Variants in IL1RAPL1 observed in about 807,000 individuals in gnomAD.
The protein encoded by IL1RAPL1 is interleukin 1 receptor accessory protein like 1, also known as interleukin-1 receptor accessory protein-like 1.
IL1RAPL1 carries 3 observed loss-of-function variants against 48.4 expected under a neutral mutation model. The observed-to-expected ratio is 0.06, with a 90% CI of 0.03 to 0.16. The LOEUF (loss-of-function observed/expected upper bound fraction) is 0.16, where lower values mean the gene tolerates loss of function less well. IL1RAPL1 is among the 10% of genes least tolerant of loss of function. The probability of loss-of-function intolerance (pLI) is 1.00; values close to 1 mark genes in which losing one functional copy is unlikely to be tolerated. For synonymous variants in IL1RAPL1, 185 were observed against 187.7 expected (o/e 0.99, Z 0.12); for missense variants, 349 against 530.6 (o/e 0.66, Z 3.36).
At chrX:28,690,349 T>C (rs1264536151) in intron 1 of IL1RAPL1, among the ~76,000 whole-genome samples, 1 of 112,022 alleles carries the variant, frequency 8.9e-6, no homozygotes, top group Non-Finnish European at 1.9e-5. Flanking sequence ...CTCAGCTCTT[T>C]TAACACATGC....
chrX:28,957,689 C>T (rs987705162), intron 2 of IL1RAPL1, among the ~76,000 whole-genome samples: 23 of 109,708 alleles, frequency 2.1e-4, no homozygotes, highest in African/African-American at 6.3e-4. Flanking sequence ...TGGCCAGGCT[C>T]GGTGGCTCAC....
intron 5 of IL1RAPL1, among the ~76,000 whole-genome samples, chrX:29,595,446 A>G (rs1176535285): frequency 9.0e-6 from 1 of 111,603 alleles, no homozygotes; most frequent in Non-Finnish European, 1.9e-5. Flanking sequence ...CAGGAGTGAG[A>G]TGGTATCACA....
intron 3 of IL1RAPL1, among the ~76,000 whole-genome samples, chrX:29,340,254 C>G (rs917736410): frequency 9.0e-6 from 1 of 111,387 alleles, no homozygotes; most frequent in African/African-American, 3.3e-5. Flanking sequence ...CGCTGGGCAA[C>G]TACCATCTCT....
At chrX:29,267,238 G>T (rs934223802) in intron 2 of IL1RAPL1, among the ~76,000 whole-genome samples, 6 of 111,980 alleles carry the variant, frequency 5.4e-5, no homozygotes, top group Admixed American at 3.8e-4. Flanking sequence ...TCCCCATGAA[G>T]TACTCTTTTA....
intron 5 of IL1RAPL1, among the ~76,000 whole-genome samples, chrX:29,467,542 G>C (rs957517465): frequency 1.8e-5 from 2 of 112,530 alleles, no homozygotes; most frequent in Admixed American, 9.4e-5. Context: ...GGATGTGGGA[G>C]AGCCAGGGCC....
At chrX:28,853,304 G>A (rs182728194) in intron 2 of IL1RAPL1, among the ~76,000 whole-genome samples, 92 of 111,705 alleles carry the variant, frequency 8.2e-4, no homozygotes, top group Middle Eastern at 4.7e-3. Context: ...CATTGGTGTC[G>A]AAATAAATAT....
At chrX:29,772,334 A>C (rs1929089862) in intron 6 of IL1RAPL1, among the ~76,000 whole-genome samples, 1 of 111,035 alleles carries the variant, frequency 9.0e-6, no homozygotes, top group African/African-American at 3.3e-5. Context: ...AGTATGATAG[A>C]ATCTGACCAA....
At chrX:29,469,224 T>A (rs1934895912) in intron 5 of IL1RAPL1, among the ~76,000 whole-genome samples, 1 of 112,314 alleles carries the variant, frequency 8.9e-6, no homozygotes, top group African/African-American at 3.2e-5. Context: ...TGCTTAACAA[T>A]ATGATGGTAC....
intron 5 of IL1RAPL1, among the ~76,000 whole-genome samples, chrX:29,512,963 A>G (rs1355758671): frequency 8.9e-6 from 1 of 111,940 alleles, no homozygotes; most frequent in African/African-American, 3.2e-5. Context: ...AAAAGTGAAA[A>G]TACTGAGAAC....
intron 2 of IL1RAPL1, among the ~76,000 whole-genome samples, chrX:29,080,994 T>TTCTTTCTTTCTTTCTTTCTC (rs1569232789): frequency 3.8e-5 from 1 of 26,438 alleles, no homozygotes; most frequent in African/African-American, 1.1e-4. Context: ...CTTTCTTTCT[T>TTCTTTCTTTCTTTCTTTCTC]TCTCTCTCTC....
At chrX:29,536,424 G>A (rs757201183) in intron 5 of IL1RAPL1, among the ~76,000 whole-genome samples, 4 of 111,360 alleles carry the variant, frequency 3.6e-5, no homozygotes, top group Non-Finnish European at 5.7e-5. Context: ...TGAGGCAAAA[G>A]ATTAAGAAAT....
intron 5 of IL1RAPL1, among the ~76,000 whole-genome samples, chrX:29,435,984 CAT>C: frequency 9.1e-6 from 1 of 109,841 alleles, no homozygotes; most frequent in Middle Eastern, 4.7e-3. Flanking sequence ...GGGGAAAAAA[CAT>C]AACTTCCGAT....
intron 2 of IL1RAPL1, among the ~76,000 whole-genome samples, chrX:28,978,382 G>A (rs1925255692): frequency 8.9e-6 from 1 of 111,763 alleles, no homozygotes; most frequent in African/African-American, 3.3e-5. Flanking sequence ...TTGACTGAGA[G>A]TGGGGAAGGA....
At chrX:28,760,249 T>G (rs1936153113) in intron 1 of IL1RAPL1, among the ~76,000 whole-genome samples, 1 of 111,640 alleles carries the variant, frequency 9.0e-6, no homozygotes, top group African/African-American at 3.3e-5. Flanking sequence ...TCAGAAATGA[T>G]TAATAATTGG....
chrX:29,834,246 C>A (rs745308043), intron 6 of IL1RAPL1, among the ~76,000 whole-genome samples: 105 of 111,759 alleles, frequency 9.4e-4, no homozygotes, highest in African/African-American at 3.3e-3. Context: ...ATTTTTTATT[C>A]TGCTTTTAAA....
At chrX:29,364,311 C>T (rs963703358) in intron 3 of IL1RAPL1, among the ~76,000 whole-genome samples, 6 of 110,554 alleles carry the variant, frequency 5.4e-5, no homozygotes. Context: ...GTAATCCCAG[C>T]ACTTTGGGAG....
chrX:29,635,119 A>G (rs968847022), intron 5 of IL1RAPL1, among the ~76,000 whole-genome samples: 1 of 111,359 alleles, frequency 9.0e-6, no homozygotes, highest in Non-Finnish European at 1.9e-5. Flanking sequence ...GGAATTTTGA[A>G]TACCTGAAAA....
intron 6 of IL1RAPL1, among the ~76,000 whole-genome samples, chrX:29,684,068 T>A (rs896026299): frequency 8.0e-5 from 9 of 112,362 alleles, no homozygotes; most frequent in Non-Finnish European, 7.5e-5. Flanking sequence ...CTCCATGATG[T>A]GCATATTTCA....
intron 2 of IL1RAPL1, among the ~76,000 whole-genome samples, chrX:29,031,109 T>G (rs1298282027): frequency 5.3e-5 from 6 of 112,278 alleles, no homozygotes; most frequent in African/African-American, 1.9e-4. Context: ...TTACTTTTGA[T>G]GAAGGTGATA....
Sources: gnomAD v4.1 joint callset for allele counts (sites outside exome capture counted in the v4.1 genomes callset) on GRCh38, gnomAD v4.1.1 for gene constraint, MANE v1.5 for transcripts, NCBI Gene and HGNC (gene_info 2026-07-23, HGNC 2026-07-21) for gene names.